Variants in NRXN1 observed in about 807,000 individuals in gnomAD.
The protein encoded by NRXN1 is neurexin 1.
Under a neutral mutation model 150.9 loss-of-function variants are expected in NRXN1, and 39 were observed. The ratio of observed to expected loss-of-function variants is 0.26; its 90% CI spans 0.20 to 0.34. NRXN1 has a LOEUF of 0.34. NRXN1 is among the 10% of genes least tolerant of loss of function. NRXN1 has a pLI of 1.00. For synonymous variants in NRXN1, 924 were observed against 757.0 expected (o/e 1.22, Z -3.62); for missense variants, 1,815 against 1,949.9 (o/e 0.93, Z 1.30).
intron 17 of NRXN1, among the ~76,000 whole-genome samples, chr2:50,391,617 T>C (rs1270394025): frequency 6.6e-6 from 1 of 152,152 alleles, no homozygotes; most frequent in African/African-American, 2.4e-5. Flanking sequence ...TGCAGCTTTA[T>C]GGCAAGGATT....
chr2:50,866,710 A>T (rs1676987557), intron 5 of NRXN1, among the ~76,000 whole-genome samples: 1 of 151,982 alleles, frequency 6.6e-6, no homozygotes, highest in Admixed American at 6.6e-5. Context: ...TATATTATAA[A>T]AAGAAAGGAC....
At chr2:50,515,057 G>A (rs1189570262) in intron 12 of NRXN1, among the ~76,000 whole-genome samples, 1 of 152,186 alleles carries the variant, frequency 6.6e-6, no homozygotes, top group Non-Finnish European at 1.5e-5. Flanking sequence ...TGGGCAGCAG[G>A]CAAGCCAGAG....
chr2:50,566,049 G>A (rs1429798593), intron 8 of NRXN1, among the ~76,000 whole-genome samples: 1 of 152,150 alleles, frequency 6.6e-6, no homozygotes, highest in African/African-American at 2.4e-5. Context: ...GCACAGCGAT[G>A]CTGACCCGAC....
At chr2:50,298,830 C>T (rs1462156188) in intron 17 of NRXN1, among the ~76,000 whole-genome samples, 2 of 152,126 alleles carry the variant, frequency 1.3e-5, no homozygotes, top group Non-Finnish European at 2.9e-5. Context: ...ATTCTTAAAA[C>T]AGATTTTTAT....
At chr2:49,938,009 A>G (rs1325105242) in intron 22 of NRXN1, among the ~76,000 whole-genome samples, 1 of 152,166 alleles carries the variant, frequency 6.6e-6, no homozygotes, top group Non-Finnish European at 1.5e-5. Context: ...TCAAAATAGC[A>G]CACTGAAAAA....
intron 18 of NRXN1, among the ~76,000 whole-genome samples, chr2:50,229,928 T>C (rs73930319): frequency 0.027 from 4,156 of 152,168 alleles, 184 homozygotes; most frequent in African/African-American, 0.095. Context: ...CAGGGTTTCC[T>C]AAAGCCACTC....
chr2:50,999,761 C>T lies in NRXN1; in HGVS notation c.772+27741G>A, dbSNP rs188117033. On this transcript the variant is annotated intron_variant, in intron 2 of 22. Coordinates refer to ENST00000401669, the MANE Select transcript of NRXN1 (RefSeq NM_001330078.2). ...CTTCCATTTCCACTCTATGGTAAAA[C>T]CATCATTAAATCCTGCCAGCTTTGC... Among the ~76,000 whole-genome samples the T allele has an allele frequency of 3.9e-5, 6 of 152,028 alleles. No homozygotes were observed. In the East Asian group the frequency reaches 1.2e-3, roughly 30 times the overall value.
At chr2:50,375,701 C>T (rs2080436514) in intron 17 of NRXN1, among the ~76,000 whole-genome samples, 1 of 150,986 alleles carries the variant, frequency 6.6e-6, no homozygotes, top group South Asian at 2.1e-4. Context: ...GCCTATAGAA[C>T]TCAAATGCAT....
At chr2:50,414,053 T>A (rs1479529639) in intron 17 of NRXN1, among the ~76,000 whole-genome samples, 2 of 79,298 alleles carry the variant, frequency 2.5e-5, no homozygotes, top group African/African-American at 5.0e-5. Flanking sequence ...GGGTGGGGGG[T>A]GGGAAGACCG....
At chr2:50,241,901 C>G (rs1182716487) in intron 17 of NRXN1, among the ~76,000 whole-genome samples, 1 of 151,704 alleles carries the variant, frequency 6.6e-6, no homozygotes, top group East Asian at 1.9e-4. Flanking sequence ...AAAAGAAAAC[C>G]AATCAGCATG....
intron 21 of NRXN1, among the ~76,000 whole-genome samples, chr2:50,016,999 C>G (rs1472965986): frequency 6.6e-6 from 1 of 152,146 alleles, no homozygotes; most frequent in Non-Finnish European, 1.5e-5. Flanking sequence ...TGCCACCTCA[C>G]AAACTATCTA....
chr2:50,593,240 A>T (rs1466382576), intron 8 of NRXN1, among the ~76,000 whole-genome samples: 1 of 152,226 alleles, frequency 6.6e-6, no homozygotes, highest in African/African-American at 2.4e-5. Flanking sequence ...TAAATGCACA[A>T]GAATATGTTT....
At chr2:50,470,405 T>G (rs1573110972) in intron 16 of NRXN1, among the ~76,000 whole-genome samples, 1 of 151,720 alleles carries the variant, frequency 6.6e-6, no homozygotes, top group African/African-American at 2.4e-5. Context: ...CTAATAACAT[T>G]AAAAATGAAC....
chr2:50,301,833 G>C (rs2074180347), intron 17 of NRXN1, among the ~76,000 whole-genome samples: 1 of 152,078 alleles, frequency 6.6e-6, no homozygotes, highest in Non-Finnish European at 1.5e-5. Flanking sequence ...TAAGTGCCAG[G>C]GACCAAATGT....
At chr2:49,931,940 AAAT>A (rs1357367847) in intron 22 of NRXN1, among the ~76,000 whole-genome samples, 1 of 152,190 alleles carries the variant, frequency 6.6e-6, no homozygotes, top group Non-Finnish European at 1.5e-5. Flanking sequence ...TATCTTTACA[AAAT>A]AATGAGATTT....
chr2:50,810,774 G>A (rs1668105959), intron 5 of NRXN1, among the ~76,000 whole-genome samples: 1 of 152,174 alleles, frequency 6.6e-6, no homozygotes. Flanking sequence ...GAGGTCAGGA[G>A]ATGAAGACCA....
At chr2:50,936,976 A>G (rs1330455861) in intron 2 of NRXN1, among the ~76,000 whole-genome samples, 1 of 152,176 alleles carries the variant, frequency 6.6e-6, no homozygotes, top group Non-Finnish European at 1.5e-5. Flanking sequence ...TTATCTATTC[A>G]TCTTGAAGAA....
intron 17 of NRXN1, among the ~76,000 whole-genome samples, chr2:50,397,034 T>C (rs1187065501): frequency 6.6e-6 from 1 of 152,028 alleles, no homozygotes; most frequent in Non-Finnish European, 1.5e-5. Flanking sequence ...CACTCCTGAC[T>C]CTCCCGAAGA....
chr2:50,920,963 A>G (rs1685947133), intron 5 of NRXN1, among the ~76,000 whole-genome samples: 1 of 151,728 alleles, frequency 6.6e-6, no homozygotes, highest in South Asian at 2.1e-4. Flanking sequence ...ACAAACATAA[A>G]GGTGCAGAAC....
Sources: gnomAD v4.1 joint callset for allele counts (sites outside exome capture counted in the v4.1 genomes callset) on GRCh38, gnomAD v4.1.1 for gene constraint, MANE v1.5 for transcripts, NCBI Gene and HGNC (gene_info 2026-07-23, HGNC 2026-07-21) for gene names.